ITPR2: variants seen among roughly 807,000 people sequenced by gnomAD.
ITPR2 encodes inositol 1,4,5-trisphosphate receptor type 2.
In ITPR2, 207 loss-of-function variants were observed where a neutral mutation model predicts 317.1. The ratio of observed to expected loss-of-function variants is 0.65; its 90% CI spans 0.58 to 0.73. ITPR2 has a LOEUF of 0.73. Ranked by LOEUF, ITPR2 falls within the 30% of genes least tolerant of loss-of-function variation. The pLI is 0.00. For missense variants in ITPR2, 2,613 were observed against 3,284.0 expected (o/e 0.80, Z 4.99); for synonymous variants, 1,156 against 1,149.1 (o/e 1.01, Z -0.12).
intron 5 of ITPR2, among the ~76,000 whole-genome samples, chr12:26,717,059 T>C (rs1370787771): frequency 2.0e-5 from 3 of 152,190 alleles, no homozygotes; most frequent in Admixed American, 6.5e-5. Context: ...ATTTCCATTA[T>C]TAAAGTTACT....
intron 41 of ITPR2, 100 bp downstream of exon 41, chr12:26,486,004 T>C (rs1368713773): frequency 1.5e-6 from 2 of 1,293,114 alleles, no homozygotes; most frequent in Non-Finnish European, 1.1e-6. Flanking sequence ...TGATTATCTT[T>C]CTAAAATGCT....
chr12:26,704,930 A>G (rs1418912952), intron 9 of ITPR2, among the ~76,000 whole-genome samples: 1 of 152,144 alleles, frequency 6.6e-6, no homozygotes, highest in Non-Finnish European at 1.5e-5. Flanking sequence ...ACATAATCCA[A>G]TTTACCAGGA....
At chr12:26,371,500 A>G (rs184899572) in intron 55 of ITPR2, among the ~76,000 whole-genome samples, 50 of 152,352 alleles carry the variant, frequency 3.3e-4, no homozygotes, top group Middle Eastern at 3.4e-3. Context: ...GTAATTTGAG[A>G]TAGTGGTAAA....
intron 37 of ITPR2, among the ~76,000 whole-genome samples, chr12:26,537,427 A>C (rs1286977257): frequency 3.9e-5 from 6 of 152,196 alleles, no homozygotes; most frequent in African/African-American, 1.2e-4. Flanking sequence ...GGTGCACCCA[A>C]GTATGAGATT....
At chr12:26,490,360 G>A (rs1942770155) in intron 39 of ITPR2, among the ~76,000 whole-genome samples, 1 of 152,212 alleles carries the variant, frequency 6.6e-6, no homozygotes, top group African/African-American at 2.4e-5. Flanking sequence ...ATTTAATTAG[G>A]ACCATTCATT....
chr12:26,471,601 A>G (rs544712314), intron 45 of ITPR2, among the ~76,000 whole-genome samples: 24 of 152,302 alleles, frequency 1.6e-4, no homozygotes, highest in Non-Finnish European at 3.4e-4. Context: ...CAACCACAGG[A>G]AAGGCCAAAA....
At chr12:26,399,198 G>T (rs1379551880) in intron 53 of ITPR2, among the ~76,000 whole-genome samples, 157 bp from the exon 54 acceptor site, 1 of 152,190 alleles carries the variant, frequency 6.6e-6, no homozygotes. Flanking sequence ...TTTAAGTGTT[G>T]TAAGAAAAAC....
At chr12:26,357,720 G>A (rs1186280967) in intron 55 of ITPR2, among the ~76,000 whole-genome samples, 2 of 152,222 alleles carry the variant, frequency 1.3e-5, no homozygotes, top group African/African-American at 2.4e-5. Context: ...AAGCCTGAGT[G>A]GGCAGTGCCA....
intron 45 of ITPR2, among the ~76,000 whole-genome samples, chr12:26,447,541 A>AC (rs34723486): frequency 0.88 from 134,056 of 151,548 alleles, 59,371 homozygotes; most frequent in South Asian, 0.9. Context: ...AAATCAAGAA[A>AC]TATGCTTTGA....
intron 28 of ITPR2, 78 bp downstream of exon 28, chr12:26,602,292 A>C (rs1946019101): frequency 2.7e-6 from 4 of 1,491,700 alleles, no homozygotes; most frequent in Admixed American, 2.2e-5. Flanking sequence ...AGAAAGAAAA[A>C]ATTTCTTGGA....
chr12:26,748,486 A>G (rs1949362744), intron 2 of ITPR2, among the ~76,000 whole-genome samples: 3 of 152,204 alleles, frequency 2.0e-5, no homozygotes, highest in Admixed American at 2.0e-4. Flanking sequence ...AAAAACTACA[A>G]TTATGTTTGC....
chr12:26,704,713 C>T (rs1948518906), intron 9 of ITPR2, among the ~76,000 whole-genome samples: 1 of 152,186 alleles, frequency 6.6e-6, no homozygotes, highest in South Asian at 2.1e-4. Context: ...TGTACATCCC[C>T]TATCTTCTTT....
rs111234380 is a variant in ITPR2 at position 26,710,835 on chromosome 12, C to T, written c.951+338G>A. 3.9e-3 allele frequency among the ~76,000 whole-genome samples: 600 copies of T among 152,260 alleles called. 1 individual carries two copies. The highest frequency in any genetic ancestry group is 6.7e-3 in the Non-Finnish European group (453 of 68,028). On this transcript the variant is annotated intron_variant, in intron 9 of 56. Coordinates refer to ENST00000381340, the MANE Select transcript of ITPR2 (RefSeq NM_002223.4). Reference sequence around the variant, plus strand: ...TATATGACACGGGCAATGAACTGATCATATCTATGATGCGGACATTCTGAA... The same window carrying T: ...TATATGACACGGGCAATGAACTGATTATATCTATGATGCGGACATTCTGAA...
At chr12:26,735,927 C>T (rs1001100058) in intron 2 of ITPR2, among the ~76,000 whole-genome samples, 2 of 152,190 alleles carry the variant, frequency 1.3e-5, no homozygotes, top group Admixed American at 6.5e-5. Context: ...TTTAGCCCCA[C>T]GCTGGTTGGC....
chr12:26,528,600 T>C (rs554826927), intron 37 of ITPR2, among the ~76,000 whole-genome samples: 1 of 152,364 alleles, frequency 6.6e-6, no homozygotes, highest in African/African-American at 2.4e-5. Flanking sequence ...TCCAGGTTTA[T>C]CGTAAATGAG....
chr12:26,637,655 A>G (rs545261154), intron 21 of ITPR2, among the ~76,000 whole-genome samples: 1 of 152,344 alleles, frequency 6.6e-6, no homozygotes, highest in African/African-American at 2.4e-5. Flanking sequence ...AATGAAAAGT[A>G]GAGGACATCT....
rs2136834772 is a variant in ITPR2, at chr12:26,481,182, A to G, written c.6072T>C (p.Asn2024=). 6.2e-7 allele frequency: 1 copy of G among 1,613,856 alleles called. No homozygotes were observed. The highest frequency in any genetic ancestry group is 1.1e-5 in the South Asian group (1 of 91,072). ...GIDIIIALIL[N]DINPLGKYRM... Reference sequence around the variant, plus strand: ...GGTATTTACCAAGAGGGTTTATGTCATTCAGAATCAAAGCAATGATGATAT... The same window carrying G: ...GGTATTTACCAAGAGGGTTTATGTCGTTCAGAATCAAAGCAATGATGATAT... The change falls in exon 43 of 57, where the codon AAT becomes AAC. Residue 2024 remains asparagine, a synonymous_variant. Coordinates refer to ENST00000381340, the MANE Select transcript of ITPR2 (RefSeq NM_002223.4).
At chr12:26,803,928 C>T (rs1296534490) in intron 1 of ITPR2, among the ~76,000 whole-genome samples, 1 of 152,068 alleles carries the variant, frequency 6.6e-6, no homozygotes, top group Admixed American at 6.6e-5. Flanking sequence ...CTACCAGAAA[C>T]TTGGAGGCTG....
In ITPR2 at chr12:26,655,860, TAGAG is replaced by T. The variant is rs1490000186; in HGVS notation, c.2445-12_2445-9del. Reference sequence around the variant, plus strand: ...TCTGTTATAGAATCATATCTGGAAATAGAGAAAGAAGATAACGCAAGTTAAACTG... The same window carrying T: ...TCTGTTATAGAATCATATCTGGAAATAAAGAAGATAACGCAAGTTAAACTG... On this transcript the variant is annotated splice_polypyrimidine_tract_variant and intron_variant, in intron 19 of 56. Transcript: ENST00000381340. The T allele has an allele frequency of 1.2e-6, 2 of 1,602,750 alleles. No homozygotes were observed. The highest frequency in any genetic ancestry group is 1.7e-5 in the Admixed American group (1 of 58,206).
Sources: allele counts gnomAD v4.1 joint callset (sites outside exome capture counted in the v4.1 genomes callset), GRCh38; gene constraint gnomAD v4.1.1; transcripts MANE v1.5; gene names NCBI Gene and HGNC (gene_info 2026-07-23, HGNC 2026-07-21).